The following KANK1 variants were observed in gnomAD, a reference collection of about 807,000 sequenced individuals.
The protein encoded by KANK1 is KN motif and ankyrin repeat domain-containing protein 1.
In KANK1, 109 loss-of-function variants were observed where a neutral mutation model predicts 106.2. The ratio of observed to expected loss-of-function variants is 1.03; its 90% CI spans 0.88 to 1.20. The LOEUF is 1.20. Ranked by LOEUF, KANK1 falls within the 50% of genes most tolerant of loss-of-function variation. The pLI is 0.00. For synonymous variants in KANK1, 873 were observed against 652.2 expected, an observed-to-expected ratio of 1.34 and a Z score of -5.16; for missense variants, 2,399 against 1,710.7, an observed-to-expected ratio of 1.40 and a Z score of -7.10.
At chr9:701,345 C>A (rs1822613158) in intron 2 of KANK1, among the ~76,000 whole-genome samples, 1 of 152,168 alleles carries the variant, frequency 6.6e-6, no homozygotes, top group South Asian at 2.1e-4. Flanking sequence ...CTCAGGTGAT[C>A]CAGCCGCCTT....
intron 1 of KANK1, among the ~76,000 whole-genome samples, chr9:660,537 T>A (rs555991997): frequency 1.5e-4 from 23 of 151,828 alleles, no homozygotes; most frequent in African/African-American, 5.6e-4. Context: ...TAAACAGAGG[T>A]CAAGCAGTAG....
chr9:653,529 C>G (rs921259185), intron 1 of KANK1, among the ~76,000 whole-genome samples: 1 of 152,136 alleles, frequency 6.6e-6, no homozygotes, highest in Non-Finnish European at 1.5e-5. Context: ...GGTCTGGCCT[C>G]TTTTGGATAT....
chr9:664,430 A>G (rs971201531), intron 1 of KANK1, among the ~76,000 whole-genome samples: 1 of 152,000 alleles, frequency 6.6e-6, no homozygotes, highest in Non-Finnish European at 1.5e-5. Context: ...ATAATATTCT[A>G]TTGTGTATTT....
At chr9:486,454 C>T (rs1263908135) in intron 3 of KANK1, among the ~76,000 whole-genome samples, 1 of 152,130 alleles carries the variant, frequency 6.6e-6, no homozygotes, top group Non-Finnish European at 1.5e-5. Context: ...TTAATCTTCA[C>T]AACTGCCTTA....
chr9:722,132 A>T (rs891369644), intron 3 of KANK1, among the ~76,000 whole-genome samples: 14 of 152,254 alleles, frequency 9.2e-5, no homozygotes, highest in African/African-American at 3.4e-4. Flanking sequence ...AACTGTGGGT[A>T]GAATTTGGTT....
chr9:567,809 A>G (rs923505946), intron 1 of KANK1, among the ~76,000 whole-genome samples: 2 of 152,206 alleles, frequency 1.3e-5, no homozygotes, highest in African/African-American at 4.8e-5. Context: ...GCTTATCAGA[A>G]TTAGAGTCTC....
chr9:727,614 G>C (rs12350091), intron 3 of KANK1, among the ~76,000 whole-genome samples: 11,051 of 151,396 alleles, frequency 0.073, 1,003 homozygotes, highest in African/African-American at 0.2. Context: ...CCACGCCCAG[G>C]CTAATCCAGG....
intron 1 of KANK1, among the ~76,000 whole-genome samples, chr9:650,439 G>A (rs1312316520): frequency 6.6e-6 from 1 of 152,200 alleles, no homozygotes; most frequent in East Asian, 1.9e-4. Context: ...TTTAATGTGA[G>A]ACTCTTGTTA....
intron 1 of KANK1, among the ~76,000 whole-genome samples, chr9:646,894 C>T (rs893035481): frequency 6.0e-5 from 9 of 150,556 alleles, no homozygotes; most frequent in Non-Finnish European, 8.8e-5. Context: ...GACAGGGTTT[C>T]ACCATGTTGG....
At chr9:553,149 A>G (rs983454916) in intron 1 of KANK1, among the ~76,000 whole-genome samples, 27 of 151,158 alleles carry the variant, frequency 1.8e-4, no homozygotes, top group Non-Finnish European at 1.9e-4. Context: ...CCCTGTCTCA[A>G]AAAGAATGCA....
In KANK1 at chr9:633,546, A is replaced by T. The variant is rs531671724; in HGVS notation, c.-83-43344A>T. Among the ~76,000 whole-genome samples the T allele has an allele frequency of 2.0e-5, 3 of 152,334 alleles. No homozygotes were observed. The South Asian group carries it at 6.2e-4, about 32-fold the overall frequency. On this transcript the variant is annotated intron_variant, in intron 1 of 11. Transcript: ENST00000382297. The stretch of plus-strand genomic sequence containing the variant: ...TGCTACCCCTTCTCCCAAGACTCTT[A>T]ATGTAGTCTGTCTGTCCATAGCATT...
In KANK1 at chr9:744,529, A is replaced by G; in HGVS notation, c.3936A>G (p.Gly1312=). The G allele has an allele frequency of 6.2e-7, 1 of 1,614,174 alleles. No individual in the cohort carries two copies. Among genetic ancestry groups the G allele is most frequent in the African/African-American group, 1.3e-5 (1 of 75,052 alleles). ...STALSIALEA[G]HKDIAVLLYA... ...CGCTCTCAATCGCCCTGGAAGCAGG[A>G]CACAAGGACATCGCTGTTCTTCTGT... Residue 1312 remains glycine, a synonymous_variant, in exon 11 of 12, where the codon GGA becomes GGG. Transcript: ENST00000382297.
intron 1 of KANK1, among the ~76,000 whole-genome samples, chr9:655,784 T>G (rs1470651998): frequency 1.3e-5 from 2 of 152,246 alleles, no homozygotes; most frequent in Non-Finnish European, 2.9e-5. Context: ...TTGCCATTAA[T>G]GACTATTTCC....
intron 2 of KANK1, among the ~76,000 whole-genome samples, chr9:682,207 G>T (rs996704686): frequency 1.3e-5 from 2 of 151,566 alleles, no homozygotes; most frequent in Non-Finnish European, 2.9e-5. Context: ...TTGAACCCGG[G>T]AGACGAAGGT....
chr9:645,710 C>T (rs1839523594), intron 1 of KANK1, among the ~76,000 whole-genome samples: 2 of 150,654 alleles, frequency 1.3e-5, no homozygotes, highest in East Asian at 1.9e-4. Flanking sequence ...GGTGAAACCC[C>T]ATTTCTACTA....
At chr9:650,896 A>G (rs75183736) in intron 1 of KANK1, among the ~76,000 whole-genome samples, 1 of 152,144 alleles carries the variant, frequency 6.6e-6, no homozygotes, top group Non-Finnish European at 1.5e-5. Context: ...CTGGAAGACT[A>G]AGAAAATAGG....
chr9:615,435 AC>A (rs1315294858), intron 1 of KANK1, among the ~76,000 whole-genome samples: 1 of 151,994 alleles, frequency 6.6e-6, no homozygotes, highest in Non-Finnish European at 1.5e-5. Context: ...AGAAAGCCTT[AC>A]CTGTGATGGT....
intron 1 of KANK1, among the ~76,000 whole-genome samples, chr9:654,984 T>C (rs1467890886): frequency 6.6e-6 from 1 of 152,136 alleles, no homozygotes; most frequent in Non-Finnish European, 1.5e-5. Context: ...GCAGTTGGAA[T>C]CTCCTGGAGG....
chr9:575,288 TAGTA>T (rs1352450947), intron 1 of KANK1, among the ~76,000 whole-genome samples: 1 of 152,226 alleles, frequency 6.6e-6, no homozygotes, highest in Non-Finnish European at 1.5e-5. Context: ...CAGAGAAAGT[TAGTA>T]CAGTATTTGC....
Sources: allele counts gnomAD v4.1 joint callset (sites outside exome capture counted in the v4.1 genomes callset), GRCh38; gene constraint gnomAD v4.1.1; transcripts MANE v1.5; gene names NCBI Gene and HGNC (gene_info 2026-07-23, HGNC 2026-07-21).